The following HERC3 variants were observed in gnomAD, a reference collection of about 807,000 sequenced individuals.
HERC3 encodes the protein probable E3 ubiquitin-protein ligase HERC3.
Under a neutral mutation model 129.9 loss-of-function variants are expected in HERC3, and 58 were observed. The ratio of observed to expected loss-of-function variants is 0.45; its 90% CI spans 0.36 to 0.56. The LOEUF is 0.56. HERC3 is among the 20% of genes least tolerant of loss of function. The pLI is 0.00. For synonymous variants in HERC3, 430 were observed against 451.0 expected (o/e 0.95, Z 0.59); for missense variants, 835 against 1,244.2 (o/e 0.67, Z 4.95).
chr4:88,648,607 A>G (rs918191432), intron 3 of HERC3, among the ~76,000 whole-genome samples: 1 of 152,120 alleles, frequency 6.6e-6, no homozygotes, highest in Admixed American at 6.5e-5. Context: ...TTTTCTAGAA[A>G]CTTTTAGACT....
intron 1 of HERC3, among the ~76,000 whole-genome samples, chr4:88,595,157 G>C (rs977430168): frequency 6.8e-6 from 1 of 147,716 alleles, no homozygotes; most frequent in South Asian, 2.2e-4. Flanking sequence ...CTTCATAACA[G>C]TTGTGGCAAA....
chr4:88,633,252 A>G (rs535944016), intron 3 of HERC3, among the ~76,000 whole-genome samples: 38 of 152,338 alleles, frequency 2.5e-4, no homozygotes, highest in African/African-American at 8.2e-4. Context: ...GACAGAAGGG[A>G]AACGATATCA....
Position 88,652,958 on chromosome 4 carries a change from A to T in HERC3, c.553A>T (p.Arg185Trp), listed in dbSNP as rs1391758262. The change falls in exon 6 of 26, where the codon AGG becomes TGG. Residue 185 changes from arginine (R) to tryptophan (W), a missense_variant. By Grantham distance (101) the Arg-to-Trp change is moderately radical. Coordinates refer to ENST00000402738, the MANE Select transcript of HERC3 (RefSeq NM_014606.3). Reference sequence around the variant, plus strand: ...CTCCCAAGCCAGCCCACAGAGGGTGAGGTCCCTGGAGGGGATCCCACTGGC... The same window carrying T: ...CTCCCAAGCCAGCCCACAGAGGGTGTGGTCCCTGGAGGGGATCCCACTGGC... ...FPSQASPQRV[R>W]SLEGIPLAQV... 6.2e-7 allele frequency: 1 copy of T among 1,614,042 alleles called. No homozygotes were observed. Among genetic ancestry groups the T allele is most frequent in the African/African-American group, 1.3e-5 (1 of 74,932 alleles).
intron 23 of HERC3, chr4:88,697,630 C>T (rs754405727): frequency 1.9e-6 from 3 of 1,613,824 alleles, no homozygotes; most frequent in East Asian, 2.2e-5. Context: ...GTCAGGGTCA[C>T]CAGCCGCGCT....
At chr4:88,537,199 A>G in the HERC3 span, among the ~76,000 whole-genome samples, 13 of 152,282 alleles carry the variant, frequency 8.5e-5, no homozygotes, top group African/African-American at 3.1e-4. Context: ...CCCTTAATGT[A>G]TTTTTATAGC....
chr4:88,679,645 G>A (rs371350932), intron 19 of HERC3, among the ~76,000 whole-genome samples: 42 of 151,460 alleles, frequency 2.8e-4, no homozygotes, highest in African/African-American at 9.7e-4. Context: ...TCAGCCTCCC[G>A]AGTAGTGGAT....
At chr4:88,618,803 C>T (rs1725200367) in intron 3 of HERC3, among the ~76,000 whole-genome samples, 1 of 152,212 alleles carries the variant, frequency 6.6e-6, no homozygotes. Context: ...TTTTGTTAAA[C>T]CACTTTATGA....
intron 3 of HERC3, among the ~76,000 whole-genome samples, chr4:88,627,351 A>G (rs904578739): frequency 2.6e-5 from 4 of 152,206 alleles, no homozygotes; most frequent in African/African-American, 9.6e-5. Flanking sequence ...TAAAAATAAT[A>G]CAGATTTTAA....
chr4:88,530,436 T>C, the HERC3 span, among the ~76,000 whole-genome samples: 1 of 152,230 alleles, frequency 6.6e-6, no homozygotes, highest in Non-Finnish European at 1.5e-5. Context: ...GTTGAACTTA[T>C]ACTGTATATG....
rs771805600 is a variant in HERC3, at chr4:88,704,295, A to G, written c.2841+14A>G. 9.3e-6 allele frequency: 15 copies of G among 1,613,150 alleles called. No individual in the cohort carries two copies. The highest frequency in any genetic ancestry group is 1.2e-5 in the Non-Finnish European group (14 of 1,179,260). On this transcript the variant is annotated intron_variant, in intron 24 of 25. Coordinates refer to ENST00000402738, the MANE Select transcript of HERC3 (RefSeq NM_014606.3). The stretch of plus-strand genomic sequence containing the variant: ...GAACTGGAAGAGGTAAGCACAAAAG[A>G]TCCTTTAACTCCTTTAACTCCGGCG...
At chr4:88,586,759 T>C in the HERC3 span, among the ~76,000 whole-genome samples, 1 of 152,256 alleles carries the variant, frequency 6.6e-6, no homozygotes, top group African/African-American at 2.4e-5. Context: ...TTCACTTTCT[T>C]CTTTTCTCTT....
chr4:88,663,186 C>T (rs926484833), intron 11 of HERC3, among the ~76,000 whole-genome samples: 7 of 152,116 alleles, frequency 4.6e-5, no homozygotes, highest in Non-Finnish European at 8.8e-5. Context: ...TTCCCAGAAA[C>T]GTACATAATG....
chr4:88,591,184 C>T (rs536625807), upstream of HERC3, among the ~76,000 whole-genome samples: 24 of 152,292 alleles, frequency 1.6e-4, no homozygotes, highest in African/African-American at 4.6e-4. Context: ...TGGGCCACCG[C>T]GCCTGGCCAT....
intron 3 of HERC3, among the ~76,000 whole-genome samples, chr4:88,643,570 A>G (rs1015562995): frequency 3.3e-5 from 5 of 152,358 alleles, no homozygotes; most frequent in Middle Eastern, 6.8e-3. Context: ...AAGCCCAGAA[A>G]TATATCCACA....
At chr4:88,685,038 A>G (rs1286968386) in intron 21 of HERC3, 3 of 152,236 alleles carry the variant, frequency 2.0e-5, no homozygotes, top group Non-Finnish European at 4.4e-5. Context: ...TCAAAACCAC[A>G]ATGAGATACC....
At chr4:88,649,562 C>G (rs1038105294) in intron 3 of HERC3, among the ~76,000 whole-genome samples, 3 of 152,042 alleles carry the variant, frequency 2.0e-5, no homozygotes, top group Non-Finnish European at 4.4e-5. Flanking sequence ...AGAGAAGCAC[C>G]AGGCACATGG....
intron 3 of HERC3, among the ~76,000 whole-genome samples, chr4:88,618,936 G>C (rs1725215814): frequency 6.6e-6 from 1 of 152,194 alleles, no homozygotes; most frequent in Non-Finnish European, 1.5e-5. Context: ...CAGCCAAACA[G>C]AGGTGTCTGG....
chr4:88,602,673 T>G lies in HERC3; in HGVS notation c.-29-3122T>G, dbSNP rs548751331. Among the ~76,000 whole-genome samples the G allele has an allele frequency of 4.3e-4, 66 of 152,128 alleles. 1 individual carries two copies. The highest frequency in any genetic ancestry group is 5.1e-4 in the Non-Finnish European group (35 of 67,992). On this transcript the variant is annotated intron_variant, in intron 2 of 25. Coordinates refer to ENST00000402738, the MANE Select transcript of HERC3 (RefSeq NM_014606.3). ...TATTTTATTTTTTGTGGAGATAAGG[T>G]CTCACTGTGTTGCCCAGGCTGGTCT...
At chr4:88,652,142 C>CT (rs1288397698) in intron 5 of HERC3, 54 bp downstream of exon 5, 5 of 1,329,276 alleles carry the variant, frequency 3.8e-6, no homozygotes, top group Non-Finnish European at 3.3e-6. Context: ...AAACATTTCT[C>CT]TTTGTCTTTT....
Sources: gnomAD v4.1 joint callset for allele counts (sites outside exome capture counted in the v4.1 genomes callset) on GRCh38, gnomAD v4.1.1 for gene constraint, MANE v1.5 for transcripts, NCBI Gene and HGNC (gene_info 2026-07-23, HGNC 2026-07-21) for gene names.